Variants in INO80 observed in about 807,000 individuals in gnomAD.
The protein encoded by INO80 is INO80 complex ATPase subunit.
Under a neutral mutation model 203.4 loss-of-function variants are expected in INO80, and 20 were observed. That is an observed-to-expected ratio of 0.10 (90% CI 0.07 to 0.14). INO80 has a LOEUF of 0.14. INO80 is among the 10% of genes least tolerant of loss of function. The probability of loss-of-function intolerance (pLI) is 1.00; values close to 1 mark genes in which losing one functional copy is unlikely to be tolerated. For synonymous variants in INO80, 726 were observed against 685.2 expected, an observed-to-expected ratio of 1.06 and a Z score of -0.93; for missense variants, 1,419 against 1,914.4, an observed-to-expected ratio of 0.74 and a Z score of 4.83.
intron 9 of INO80, 92 bp from the exon 10 acceptor site, chr15:41,074,657 C>A: frequency 1.2e-6 from 1 of 813,926 alleles, no homozygotes; most frequent in Non-Finnish European, 1.9e-6. Context: ...CATACAATTC[C>A]TTTACCAACT....
chr15:41,073,612 C>A (rs2045357556), intron 10 of INO80, 117 bp from the exon 11 acceptor site: 3 of 857,552 alleles, frequency 3.5e-6, no homozygotes, highest in Non-Finnish European at 5.9e-6. Flanking sequence ...CCTGGGTTCA[C>A]GGAGGGTGGG....
At chr15:41,105,470 T>C (rs536619684) in intron 1 of INO80, among the ~76,000 whole-genome samples, 2 of 152,252 alleles carry the variant, frequency 1.3e-5, no homozygotes, top group African/African-American at 2.4e-5. Context: ...CCATTTTACA[T>C]ACAAAGAAAC....
At chr15:41,076,861 G>A (rs2045411075) in intron 9 of INO80, among the ~76,000 whole-genome samples, 1 of 151,998 alleles carries the variant, frequency 6.6e-6, no homozygotes, top group African/African-American at 2.4e-5. Flanking sequence ...AAATTATATG[G>A]AACACAGAAC....
intron 29 of INO80, 131 bp from the exon 30 acceptor site, chr15:40,988,105 A>ATTAG: frequency 1.5e-6 from 1 of 651,334 alleles, no homozygotes; most frequent in Non-Finnish European, 2.6e-6. Flanking sequence ...TATTGAGCTA[A>ATTAG]GTAAGATACA....
At chr15:41,100,614 C>T (rs150783123) in intron 1 of INO80, among the ~76,000 whole-genome samples, 1 of 152,158 alleles carries the variant, frequency 6.6e-6, no homozygotes, top group African/African-American at 2.4e-5. Flanking sequence ...GTCCACAATA[C>T]CACCAAAAAA....
intron 9 of INO80, among the ~76,000 whole-genome samples, chr15:41,079,287 A>C (rs1043016325): frequency 3.3e-5 from 5 of 152,198 alleles, no homozygotes; most frequent in African/African-American, 9.6e-5. Context: ...ACCTACAAAC[A>C]AACCAAGATG....
At chr15:41,015,046 G>A (rs1333132363) in intron 27 of INO80, among the ~76,000 whole-genome samples, 2 of 152,118 alleles carry the variant, frequency 1.3e-5, no homozygotes, top group African/African-American at 4.8e-5. Context: ...AAGACTTATT[G>A]TACTAGTTTG....
intron 7 of INO80, among the ~76,000 whole-genome samples, chr15:41,083,590 C>A (rs560005755): frequency 6.6e-6 from 1 of 151,564 alleles, no homozygotes; most frequent in Non-Finnish European, 1.5e-5. Context: ...CCTGTAGTCC[C>A]AGCTACTCAG....
At chr15:41,015,598 C>A (rs907598877) in intron 27 of INO80, among the ~76,000 whole-genome samples, 2 of 151,738 alleles carry the variant, frequency 1.3e-5, no homozygotes, top group Non-Finnish European at 2.9e-5. Context: ...CTCCCCATGC[C>A]AGGAGCTAAC....
Position 41,116,244 on chromosome 15 carries a change from C to A in INO80, c.-315G>T. ...CTCACTGAGAGGAGCGGAGCAGGGA[C>A]ACGGGGAGCCATGGCGGGGGGGAGG... is the stretch of plus-strand genomic sequence containing the variant. On this transcript the variant is annotated 5_prime_UTR_variant, in exon 1 of 36. Coordinates refer to ENST00000648947, the MANE Select transcript of INO80 (RefSeq NM_017553.3). 1 of 400,946 alleles carries A rather than the reference C, an allele frequency of 2.5e-6. No individual in the cohort carries two copies. The highest frequency in any genetic ancestry group is 4.4e-6 in the Non-Finnish European group (1 of 228,124). The allele number at this position is 400,946 out of a possible 1,614,324, so 24.8% of individuals were successfully genotyped here. A position where few individuals can be genotyped will look rare whatever the true frequency, so the allele number is the denominator to read the frequency against.
chr15:41,019,301 C>A (rs555172345), intron 26 of INO80, among the ~76,000 whole-genome samples: 48 of 152,274 alleles, frequency 3.2e-4, no homozygotes, highest in South Asian at 1.2e-3. Flanking sequence ...CAGTGAGACA[C>A]CCCCAACCCC....
chr15:41,044,601 TC>T (rs1397612783), intron 24 of INO80, among the ~76,000 whole-genome samples: 3 of 152,204 alleles, frequency 2.0e-5, no homozygotes, highest in African/African-American at 7.2e-5. Flanking sequence ...CTGGAAGTAT[TC>T]TATATATTGA....
At chr15:41,092,929 G>T (rs956485948) in intron 4 of INO80, among the ~76,000 whole-genome samples, 1 of 152,048 alleles carries the variant, frequency 6.6e-6, no homozygotes, top group Non-Finnish European at 1.5e-5. Flanking sequence ...CAGCTACTTG[G>T]GAGACAGAGG....
In INO80 at chr15:40,980,359, G is replaced by GA. The variant is rs779489954; in HGVS notation, c.4534dup (p.Ser1512PhefsTer12). Reference sequence around the variant, plus strand: ...CTTGCTCAAAGGGGAACTCAAAGGAGAAGAGGCGCTTGAAGGTCCAAAGTC... The same window carrying GA: ...CTTGCTCAAAGGGGAACTCAAAGGAGAAAGAGGCGCTTGAAGGTCCAAAGTC... On this transcript the variant is annotated frameshift_variant, in exon 36 of 36. Transcript: ENST00000648947. LOFTEE classifies it high-confidence loss of function. The GA allele has an allele frequency of 6.2e-7, 1 of 1,614,088 alleles. No homozygotes were observed. Among genetic ancestry groups the GA allele is most frequent in the Non-Finnish European group, 8.5e-7 (1 of 1,180,020 alleles).
In INO80 at chr15:41,079,838, T is replaced by C; in HGVS notation, c.994A>G (p.Thr332Ala). Residue 332 changes from threonine (T) to alanine (A), a missense_variant, in exon 9 of 36, where the codon ACC becomes GCC. Transcript: ENST00000648947. ...GTGAGGCGGCGGGCACGAGGCAAGG[T>C]TTCCTTACAGTTCTTCTGGGCCTGC... The part of the protein sequence containing the change: ...ALQAQKNCKE[T>A]LPRARRLTKE... 1 of 1,614,108 alleles carries C rather than the reference T, an allele frequency of 6.2e-7. No individual in the cohort carries two copies. The highest frequency in any genetic ancestry group is 8.5e-7 in the Non-Finnish European group (1 of 1,180,010).
chr15:41,036,156 GAAAA>G (rs369185302), intron 24 of INO80, among the ~76,000 whole-genome samples: 49 of 32,122 alleles, frequency 1.5e-3, no homozygotes, highest in Non-Finnish European at 2.6e-3. Context: ...ACTCTCTCTC[GAAAA>G]AAAAAAAAAA....
chr15:41,010,185 A>G (rs2044113584), intron 27 of INO80, among the ~76,000 whole-genome samples: 2 of 152,248 alleles, frequency 1.3e-5, no homozygotes, highest in South Asian at 2.1e-4. Flanking sequence ...CAGAGCTGCC[A>G]GCATAACTCA....
intron 14 of INO80, among the ~76,000 whole-genome samples, chr15:41,064,376 T>C (rs1489250385): frequency 6.6e-6 from 1 of 152,158 alleles, no homozygotes; most frequent in East Asian, 1.9e-4. Flanking sequence ...AAATTATGAA[T>C]TACACTTTTT....
At chr15:41,046,917 C>T (rs1435161890) in intron 23 of INO80, among the ~76,000 whole-genome samples, 1 of 151,744 alleles carries the variant, frequency 6.6e-6, no homozygotes, top group Non-Finnish European at 1.5e-5. Context: ...TGCGCCTGGG[C>T]CTGGTCAACA....
Sources: gnomAD v4.1 joint callset for allele counts (sites outside exome capture counted in the v4.1 genomes callset) on GRCh38, gnomAD v4.1.1 for gene constraint, MANE v1.5 for transcripts, NCBI Gene and HGNC (gene_info 2026-07-23, HGNC 2026-07-21) for gene names.